The following SUSD6 variants were observed in gnomAD, a reference collection of about 807,000 sequenced individuals.
SUSD6 encodes sushi domain-containing protein 6.
A neutral mutation model predicts 28.4 loss-of-function variants in SUSD6; 16 were observed. The ratio of observed to expected loss-of-function variants is 0.56; its 90% CI spans 0.38 to 0.86. SUSD6 has a LOEUF of 0.86. Among genes scored for constraint, SUSD6 ranks in the 40% least tolerant of loss-of-function variants. The pLI, the probability that SUSD6 is intolerant of heterozygous loss-of-function variation, is 0.00. For missense variants in SUSD6, 341 were observed against 384.2 expected (o/e 0.89, Z 0.94); for synonymous variants, 147 against 159.6 (o/e 0.92, Z 0.59).
intron 2 of SUSD6, among the ~76,000 whole-genome samples, chr14:69,698,983 T>C (rs968549982): frequency 6.6e-6 from 1 of 152,234 alleles, no homozygotes; most frequent in African/African-American, 2.4e-5. Flanking sequence ...TCTGCGAACC[T>C]GGAATTGTCA....
At chr14:69,631,057 G>T (rs1027630960) in intron 1 of SUSD6, among the ~76,000 whole-genome samples, 3 of 152,252 alleles carry the variant, frequency 2.0e-5, no homozygotes, top group Admixed American at 6.5e-5. Flanking sequence ...CTAGTGACCT[G>T]TGTCCCCAAA....
At chr14:69,691,443 T>C (rs1024843785) in intron 2 of SUSD6, among the ~76,000 whole-genome samples, 1 of 152,232 alleles carries the variant, frequency 6.6e-6, no homozygotes, top group African/African-American at 2.4e-5. Context: ...TTTGGGGCCA[T>C]TGCCTCAGTG....
Position 69,708,568 on chromosome 14 carries a change from G to A in SUSD6, c.459-109G>A, listed in dbSNP as rs1886415685. 4 of 880,598 alleles carry A rather than the reference G, an allele frequency of 4.5e-6. No individual in the cohort carries two copies. The South Asian group carries it at 7.2e-5, about 16-fold the overall frequency. 54.5% of individuals were successfully genotyped at this position (880,598 alleles called of 1,614,324 possible). ...TTTAAAATTCCTAGTGCTTTGCCTG[G>A]CACATAGTAAGTGCTCAAAAATGGT... On this transcript the variant is annotated intron_variant, in intron 4 of 5. Coordinates refer to ENST00000342745, the MANE Select transcript of SUSD6 (RefSeq NM_014734.4).
At position 69,712,650 on chromosome 14, in the gene SUSD6, G is replaced by C. The variant is rs1886481487; in HGVS notation, c.*1671G>C. The C allele has an allele frequency of 6.6e-6, 1 of 152,284 alleles. No individual in the cohort carries two copies. The highest frequency in any genetic ancestry group is 1.5e-5 in the Non-Finnish European group (1 of 68,150). 9.4% of individuals were successfully genotyped at this position (152,284 alleles called of 1,614,324 possible). A position where few individuals can be genotyped will look rare whatever the true frequency, so the allele number is the denominator to read the frequency against. ...GTGGGTGGCCTAGAAGATGAGGGGA[G>C]TGGTCTTCTCCCAGCCTTTTACCCT... On this transcript the variant is annotated 3_prime_UTR_variant, in exon 6 of 6. Transcript: ENST00000342745.
chr14:69,703,650 A>G lies in SUSD6; in HGVS notation c.319+58A>G, dbSNP rs1886344365. The G allele has an allele frequency of 3.1e-5, 47 of 1,507,040 alleles. 1 individual carries two copies. The South Asian group carries it at 4.2e-4, about 13-fold the overall frequency. 93.4% of individuals were successfully genotyped at this position (1,507,040 alleles called of 1,614,324 possible). Reference sequence around the variant, plus strand: ...GGGGTTCTGCTTTCTGTTAACTCACAGGATGCAAAGCATGCTTCCTCCAGA... The same window carrying G: ...GGGGTTCTGCTTTCTGTTAACTCACGGGATGCAAAGCATGCTTCCTCCAGA... On this transcript the variant is annotated intron_variant, in intron 3 of 5. Transcript: ENST00000342745.
At chr14:69,620,638 A>G (rs1322874641) in intron 1 of SUSD6, among the ~76,000 whole-genome samples, 2 of 152,176 alleles carry the variant, frequency 1.3e-5, no homozygotes, top group Non-Finnish European at 2.9e-5. Context: ...GTCATCCTGG[A>G]AGGGAAGAAC....
intron 2 of SUSD6, among the ~76,000 whole-genome samples, chr14:69,667,074 A>G (rs1387340819): frequency 6.6e-6 from 1 of 152,088 alleles, no homozygotes; most frequent in Non-Finnish European, 1.5e-5. Context: ...TTGGCTTCTG[A>G]TGATTCGGCC....
At chr14:69,677,486 C>G (rs185259715) in intron 2 of SUSD6, among the ~76,000 whole-genome samples, 3,273 of 150,872 alleles carry the variant, frequency 0.022, 116 homozygotes, top group African/African-American at 0.076. Context: ...GGCGGAGCTT[C>G]CAGTGAGCCA....
intron 2 of SUSD6, among the ~76,000 whole-genome samples, chr14:69,676,907 G>C (rs1885918346): frequency 6.6e-6 from 1 of 152,246 alleles, no homozygotes; most frequent in South Asian, 2.1e-4. Context: ...TGTTTGGTCA[G>C]TCAGCTGCTC....
At chr14:69,703,259 G>A (rs946195617) in intron 2 of SUSD6, 136 bp from the exon 3 acceptor site, 2 of 732,968 alleles carry the variant, frequency 2.7e-6, no homozygotes, top group Non-Finnish European at 4.5e-6. Context: ...CCAGGGTTTG[G>A]TTAACAGTTC....
chr14:69,712,367 A>G lies in SUSD6; in HGVS notation c.*1388A>G, dbSNP rs1886476504. On this transcript the variant is annotated 3_prime_UTR_variant, in exon 6 of 6. Coordinates refer to ENST00000342745, the MANE Select transcript of SUSD6 (RefSeq NM_014734.4). Reference sequence around the variant, plus strand: ...GCCCACTGATGAGGGGCGCTCTCCCATAGCCATGTGTTGAATGCTAACTAG... The same window carrying G: ...GCCCACTGATGAGGGGCGCTCTCCCGTAGCCATGTGTTGAATGCTAACTAG... The G allele has an allele frequency of 6.6e-6, 1 of 152,392 alleles. No homozygotes were observed. Among genetic ancestry groups the G allele is most frequent in the Non-Finnish European group, 1.5e-5 (1 of 68,162 alleles). 9.4% of individuals were successfully genotyped at this position (152,392 alleles called of 1,614,324 possible).
At chr14:69,703,239 A>G (rs2139645317) in intron 2 of SUSD6, among the ~76,000 whole-genome samples, 156 bp from the exon 3 acceptor site, 1 of 152,202 alleles carries the variant, frequency 6.6e-6, no homozygotes, top group East Asian at 1.9e-4. Flanking sequence ...GTCAGTGGCA[A>G]CCTGAGTTTC....
chr14:69,679,681 A>G (rs1048500281), intron 2 of SUSD6, among the ~76,000 whole-genome samples: 6 of 152,146 alleles, frequency 3.9e-5, no homozygotes, highest in Admixed American at 3.9e-4. Flanking sequence ...AAGCCGAAAG[A>G]TTGGACACCC....
chr14:69,627,466 A>G (rs1885130510), intron 1 of SUSD6, among the ~76,000 whole-genome samples: 1 of 152,104 alleles, frequency 6.6e-6, no homozygotes, highest in African/African-American at 2.4e-5. Flanking sequence ...AATTAAACAG[A>G]TGTTATTTAT....
chr14:69,614,215 T>C (rs1884924366), intron 1 of SUSD6, among the ~76,000 whole-genome samples: 1 of 152,172 alleles, frequency 6.6e-6, no homozygotes, highest in African/African-American at 2.4e-5. Flanking sequence ...TACAGGTGCG[T>C]GTCATCACGC....
intron 1 of SUSD6, chr14:69,617,785 C>T (rs537289637): frequency 3.3e-5 from 5 of 152,204 alleles, no homozygotes; most frequent in Non-Finnish European, 7.3e-5. Context: ...GTTCTGTGCA[C>T]CTGCTCAAAG....
At chr14:69,653,672 G>A (rs1885536340) in intron 1 of SUSD6, among the ~76,000 whole-genome samples, 1 of 149,842 alleles carries the variant, frequency 6.7e-6, no homozygotes, top group African/African-American at 2.4e-5. Context: ...GAATACTGAA[G>A]TGAAATGGAT....
At chr14:69,673,955 C>T (rs1003650298) in intron 2 of SUSD6, among the ~76,000 whole-genome samples, 9 of 152,242 alleles carry the variant, frequency 5.9e-5, no homozygotes, top group African/African-American at 2.2e-4. Flanking sequence ...TCCTCAGGGT[C>T]AGGAACTTCT....
At chr14:69,620,541 A>G (rs1304991849) in intron 1 of SUSD6, among the ~76,000 whole-genome samples, 1 of 152,200 alleles carries the variant, frequency 6.6e-6, no homozygotes, top group African/African-American at 2.4e-5. Context: ...TTAATTTGAG[A>G]GTAGTGTTGG....
Sources: gnomAD v4.1 joint callset for allele counts (sites outside exome capture counted in the v4.1 genomes callset) on GRCh38, gnomAD v4.1.1 for gene constraint, MANE v1.5 for transcripts, NCBI Gene and HGNC (gene_info 2026-07-23, HGNC 2026-07-21) for gene names.